Variants in CUTC observed in about 807,000 individuals in gnomAD.
CUTC encodes the protein copper homeostasis protein cutC homolog.
Under a neutral mutation model 36.2 loss-of-function variants are expected in CUTC, and 27 were observed. That is an observed-to-expected ratio of 0.75 (90% CI 0.55 to 1.03). The LOEUF (loss-of-function observed/expected upper bound fraction) is 1.03. Among genes scored for constraint, CUTC ranks in the 50% least tolerant of loss-of-function variants. The pLI is 0.00. For missense variants in CUTC, 315 were observed against 343.5 expected, an observed-to-expected ratio of 0.92 and a Z score of 0.66; for synonymous variants, 114 against 118.3, an observed-to-expected ratio of 0.96 and a Z score of 0.24.
intron 3 of CUTC, 134 bp from the exon 4 acceptor site, chr10:99,743,019 T>A: frequency 1.3e-6 from 1 of 746,254 alleles, no homozygotes; most frequent in Non-Finnish European, 2.2e-6. Context: ...ATTACTTACC[T>A]TCTACCATAT....
chr10:99,750,173 G>A (rs915269661), intron 6 of CUTC, among the ~76,000 whole-genome samples, 196 bp from the exon 7 acceptor site: 2 of 152,010 alleles, frequency 1.3e-5, no homozygotes, highest in East Asian at 3.9e-4. Flanking sequence ...TAATTTTCTA[G>A]AGACAAATTT....
intron 5 of CUTC, among the ~76,000 whole-genome samples, chr10:99,746,320 T>G (rs1269840787): frequency 6.6e-6 from 1 of 152,018 alleles, no homozygotes; most frequent in Non-Finnish European, 1.5e-5. Flanking sequence ...TGAGAACACA[T>G]AGACACATAG....
chr10:99,748,333 TAATAATACTA>T (rs2037394043), intron 6 of CUTC, among the ~76,000 whole-genome samples: 2 of 152,226 alleles, frequency 1.3e-5, no homozygotes, highest in African/African-American at 2.4e-5. Context: ...CTGCTATTAT[TAATAATACTA>T]ATGTTCCTGT....
At chr10:99,739,867 T>A in intron 3 of CUTC, 98 bp downstream of exon 3, 1 of 850,762 alleles carries the variant, frequency 1.2e-6, no homozygotes, top group Non-Finnish European at 1.9e-6. Flanking sequence ...AATGTCATGT[T>A]AACTATGTTA....
chr10:99,735,671 G>C (rs540526883), intron 1 of CUTC, among the ~76,000 whole-genome samples: 14 of 152,306 alleles, frequency 9.2e-5, no homozygotes, highest in Non-Finnish European at 1.9e-4. Context: ...GCCTCCCAAA[G>C]TGCTGGGATT....
Position 99,732,348 on chromosome 10 carries a change from C to T in CUTC, c.-1C>T. 1 of 1,552,564 alleles carries T rather than the reference C, an allele frequency of 6.4e-7. No individual in the cohort carries two copies. Among genetic ancestry groups the T allele is most frequent in the Non-Finnish European group, 8.7e-7 (1 of 1,147,724 alleles). The stretch of plus-strand genomic sequence containing the variant: ...GCGCACGAGGGAGGAACGCGTGGAG[C>T]ATGAAAAGGCAGGGGGCCTCCTCTG... On this transcript the variant is annotated 5_prime_UTR_variant, in exon 1 of 9. Transcript: ENST00000370476.
chr10:99,733,480 A>G (rs1426799729), intron 1 of CUTC, among the ~76,000 whole-genome samples: 1 of 152,128 alleles, frequency 6.6e-6, no homozygotes, highest in African/African-American at 2.4e-5. Context: ...TCTTCAGTAT[A>G]TCTTAATGGA....
At chr10:99,750,326 G>C in intron 6 of CUTC, 43 bp from the exon 7 acceptor site, 2 of 1,475,144 alleles carry the variant, frequency 1.4e-6, no homozygotes, top group Non-Finnish European at 9.2e-7. Context: ...CCATTCAAGA[G>C]AAAGATATTA....
chr10:99,738,145 CAA>C (rs752122009), intron 2 of CUTC, among the ~76,000 whole-genome samples: 3 of 110,660 alleles, frequency 2.7e-5, no homozygotes, highest in South Asian at 2.9e-4. Context: ...AACTCCGTCT[CAA>C]AAAAAAAAAA....
At chr10:99,753,634 C>T (rs2037434942) in intron 7 of CUTC, among the ~76,000 whole-genome samples, 1 of 152,146 alleles carries the variant, frequency 6.6e-6, no homozygotes, top group South Asian at 2.1e-4. Flanking sequence ...TGGTCTCAAA[C>T]TCTTGAGCTC....
At position 99,755,977 on chromosome 10, in the gene CUTC, T is replaced by G. The variant is rs1295969390; in HGVS notation, c.*238T>G. 7.1e-6 allele frequency: 3 copies of G among 425,200 alleles called. No individual in the cohort carries two copies. Among genetic ancestry groups the G allele is most frequent in the Non-Finnish European group, 1.3e-5 (3 of 239,872 alleles). The allele number at this position is 425,200 out of a possible 1,614,324, so 26.3% of individuals were successfully genotyped here. ...CATCATGGTTAAAGCTGGTCTGTGC[T>G]TCTTCCATAGACAGAAGCTTAGTCT... On this transcript the variant is annotated 3_prime_UTR_variant, in exon 9 of 9. Coordinates refer to ENST00000370476, the MANE Select transcript of CUTC (RefSeq NM_015960.3).
chr10:99,748,476 A>G (rs1439629806), intron 6 of CUTC, among the ~76,000 whole-genome samples: 19 of 152,196 alleles, frequency 1.2e-4, no homozygotes, highest in African/African-American at 4.6e-4. Flanking sequence ...TTTATTAAAT[A>G]TATATTAGAT....
rs1050782233 is a variant in CUTC, at chr10:99,732,262, G to A, written c.-87G>A. The A allele has an allele frequency of 1.3e-6, 2 of 1,535,098 alleles. No homozygotes were observed. Among genetic ancestry groups the A allele is most frequent in the Non-Finnish European group, 1.8e-6 (2 of 1,139,586 alleles). On this transcript the variant is annotated 5_prime_UTR_variant, in exon 1 of 9. Coordinates refer to ENST00000370476, the MANE Select transcript of CUTC (RefSeq NM_015960.3). Reference sequence around the variant, plus strand: ...GGGGACGCGCGCACGGGCGCGCGCAGCTGTTGACGCGCTTCTTAGCTGGTG... The same window carrying A: ...GGGGACGCGCGCACGGGCGCGCGCAACTGTTGACGCGCTTCTTAGCTGGTG...
chr10:99,739,975 A>G (rs1260796326), intron 3 of CUTC, among the ~76,000 whole-genome samples: 1 of 152,248 alleles, frequency 6.6e-6, no homozygotes, highest in Non-Finnish European at 1.5e-5. Flanking sequence ...GTAGGTAGGT[A>G]ATTGTTAATA....
chr10:99,743,150 T>C lies in CUTC; in HGVS notation c.194-3T>C. On this transcript the variant is annotated splice_region_variant and splice_polypyrimidine_tract_variant and intron_variant, in intron 3 of 8. Transcript: ENST00000370476. Reference sequence around the variant, plus strand: ...AATTTTAATCTGCTTTCTTTTCTTGTAGGTGTCCTTCAAGTAGTGAAGCAG... The same window carrying C: ...AATTTTAATCTGCTTTCTTTTCTTGCAGGTGTCCTTCAAGTAGTGAAGCAG... The C allele has an allele frequency of 3.1e-6, 5 of 1,613,210 alleles. No individual in the cohort carries two copies. The highest frequency in any genetic ancestry group is 4.2e-6 in the Non-Finnish European group (5 of 1,179,178).
intron 3 of CUTC, among the ~76,000 whole-genome samples, chr10:99,741,014 A>T (rs552489073): frequency 1.3e-5 from 2 of 152,340 alleles, no homozygotes; most frequent in Admixed American, 6.5e-5. Flanking sequence ...CTTGTCTGCG[A>T]ATTCTAACAT....
At chr10:99,741,394 G>A (rs1363439193) in intron 3 of CUTC, among the ~76,000 whole-genome samples, 1 of 152,086 alleles carries the variant, frequency 6.6e-6, no homozygotes, top group Non-Finnish European at 1.5e-5. Context: ...CTTTTTATTG[G>A]TTCTGTCCCA....
At chr10:99,738,759 G>T (rs1022092336) in intron 2 of CUTC, among the ~76,000 whole-genome samples, 7 of 152,116 alleles carry the variant, frequency 4.6e-5, no homozygotes, top group African/African-American at 1.7e-4. Flanking sequence ...ACATCAGGAG[G>T]ACATAACATG....
chr10:99,747,147 G>T (rs113858073), intron 5 of CUTC, 110 bp from the exon 6 acceptor site: 1 of 1,223,536 alleles, frequency 8.2e-7, no homozygotes, highest in African/African-American at 1.5e-5. Flanking sequence ...ATTGGCCTTT[G>T]TAAGCCAGTA....
Sources: allele counts gnomAD v4.1 joint callset (sites outside exome capture counted in the v4.1 genomes callset), GRCh38; gene constraint gnomAD v4.1.1; transcripts MANE v1.5; gene names NCBI Gene and HGNC (gene_info 2026-07-23, HGNC 2026-07-21).